The following CAST variants were observed in gnomAD, a reference collection of about 807,000 sequenced individuals.
CAST encodes the protein calpastatin.
CAST carries 76 observed loss-of-function variants against 119.6 expected under a neutral mutation model. The observed-to-expected ratio is 0.64, with a 90% confidence interval of 0.53 to 0.77. The LOEUF is 0.77. Ranked by LOEUF, CAST falls within the 30% of genes least tolerant of loss-of-function variation. The pLI is 0.00. For synonymous variants in CAST, 319 were observed against 331.6 expected, an observed-to-expected ratio of 0.96 and a Z score of 0.41; for missense variants, 953 against 946.5, an observed-to-expected ratio of 1.01 and a Z score of -0.09.
chr5:96,199,274 T>G, the CAST span, among the ~76,000 whole-genome samples: 41 of 152,112 alleles, frequency 2.7e-4, no homozygotes, highest in African/African-American at 9.4e-4. Context: ...TTGTTTAAGT[T>G]AAAGCAGTCC....
chr5:95,983,440 A>C, the CAST span, among the ~76,000 whole-genome samples: 2 of 152,154 alleles, frequency 1.3e-5, no homozygotes, highest in Non-Finnish European at 2.9e-5. Context: ...CAAAAGATCC[A>C]CACACACACA....
At chr5:96,350,710 A>G in the CAST span, among the ~76,000 whole-genome samples, 4 of 151,930 alleles carry the variant, frequency 2.6e-5, no homozygotes, top group Non-Finnish European at 4.4e-5. Flanking sequence ...CACATTTTTC[A>G]CTATTCCACT....
At chr5:96,006,275 C>T in the CAST span, among the ~76,000 whole-genome samples, 1 of 152,070 alleles carries the variant, frequency 6.6e-6, no homozygotes, top group South Asian at 2.1e-4. Context: ...GCAGGGGTGT[C>T]CAATCTTATG....
chr5:96,030,969 T>C, the CAST span, among the ~76,000 whole-genome samples: 669 of 152,234 alleles, frequency 4.4e-3, 6 homozygotes, highest in South Asian at 0.056. Context: ...TAACGTATTG[T>C]ACTATATTGC....
intron 16 of CAST, chr5:96,743,875 G>A (rs1368089922): frequency 1.6e-6 from 1 of 630,118 alleles, no homozygotes; most frequent in Non-Finnish European, 2.7e-6. Flanking sequence ...GGGGAGTCAG[G>A]AGGCCAAGCT....
the CAST span, among the ~76,000 whole-genome samples, chr5:96,277,740 C>A: frequency 6.6e-6 from 1 of 150,642 alleles, no homozygotes. Context: ...AAAACATCAT[C>A]ATTAAGTAAG....
the CAST span, among the ~76,000 whole-genome samples, chr5:96,485,349 G>C: frequency 6.6e-6 from 1 of 152,198 alleles, no homozygotes; most frequent in Admixed American, 6.5e-5. Context: ...GTGATGTTCA[G>C]AGTTCTAGAA....
intron 3 of CAST, among the ~76,000 whole-genome samples, chr5:96,706,714 T>C (rs779162521): frequency 2.0e-5 from 3 of 152,198 alleles, no homozygotes; most frequent in Non-Finnish European, 2.9e-5. Flanking sequence ...TAATCTCTTC[T>C]TCCCGTGCTT....
At chr5:96,143,397 C>T in the CAST span, among the ~76,000 whole-genome samples, 1 of 152,222 alleles carries the variant, frequency 6.6e-6, no homozygotes, top group Non-Finnish European at 1.5e-5. Flanking sequence ...GTGAAGCCTT[C>T]TCCAGCATCT....
the CAST span, among the ~76,000 whole-genome samples, chr5:96,161,195 A>T: frequency 6.6e-6 from 1 of 152,084 alleles, no homozygotes; most frequent in South Asian, 2.1e-4. Context: ...AACTAAGGTC[A>T]TGAAGATTTC....
chr5:96,707,313 T>C (rs1260383300), intron 3 of CAST, among the ~76,000 whole-genome samples: 10 of 152,288 alleles, frequency 6.6e-5, no homozygotes, highest in Non-Finnish European at 1.3e-4. Context: ...ACATTTAACT[T>C]TATTTGAGGA....
At chr5:96,460,289 C>T in the CAST span, among the ~76,000 whole-genome samples, 1 of 151,754 alleles carries the variant, frequency 6.6e-6, no homozygotes, top group African/African-American at 2.4e-5. Context: ...AACATGGACA[C>T]AGAGAGAAGA....
the CAST span, among the ~76,000 whole-genome samples, chr5:96,289,957 G>A: frequency 6.6e-6 from 1 of 151,580 alleles, no homozygotes; most frequent in African/African-American, 2.4e-5. Context: ...AAACAGAATT[G>A]ACTAAATGGA....
the CAST span, among the ~76,000 whole-genome samples, chr5:95,962,725 C>T: frequency 4.5e-4 from 68 of 152,206 alleles, 1 homozygote; most frequent in East Asian, 0.013. Flanking sequence ...ATGATATCTC[C>T]TTAAAAAGGA....
At chr5:96,462,648 C>A in the CAST span, among the ~76,000 whole-genome samples, 2 of 152,088 alleles carry the variant, frequency 1.3e-5, no homozygotes, top group African/African-American at 4.8e-5. Context: ...CCCTAACATG[C>A]CTTTCTGCAC....
At chr5:96,680,277 C>A (rs1358209144) in intron 2 of CAST, among the ~76,000 whole-genome samples, 4 of 142,784 alleles carry the variant, frequency 2.8e-5, no homozygotes, top group East Asian at 2.2e-4. Flanking sequence ...ATTGCTTGAA[C>A]CTGGGAGGCG....
At chr5:96,446,203 A>G in the CAST span, among the ~76,000 whole-genome samples, 2 of 151,618 alleles carry the variant, frequency 1.3e-5, no homozygotes. Context: ...AAATCACAGA[A>G]CTCCGTAGAT....
chr5:96,500,155 A>G, the CAST span, among the ~76,000 whole-genome samples: 1 of 152,184 alleles, frequency 6.6e-6, no homozygotes, highest in Non-Finnish European at 1.5e-5. Flanking sequence ...TAAAATAATG[A>G]TGAAAACGTT....
chr5:96,415,393 C>T, the CAST span, among the ~76,000 whole-genome samples: 1 of 152,178 alleles, frequency 6.6e-6, no homozygotes, highest in Admixed American at 6.5e-5. Context: ...TGACTTCTTC[C>T]CTTTGCTCCT....
Sources: allele counts gnomAD v4.1 joint callset (sites outside exome capture counted in the v4.1 genomes callset), GRCh38; gene constraint gnomAD v4.1.1; transcripts MANE v1.5; gene names NCBI Gene and HGNC (gene_info 2026-07-23, HGNC 2026-07-21).